Variants in KCNH1 observed in about 807,000 individuals in gnomAD.
KCNH1 encodes the protein voltage-gated delayed rectifier potassium channel KCNH1.
Under a neutral mutation model 69.2 loss-of-function variants are expected in KCNH1, and 27 were observed. The ratio of observed to expected loss-of-function variants is 0.39; its 90% CI spans 0.29 to 0.54. KCNH1 has a LOEUF of 0.54. Among genes scored for constraint, KCNH1 ranks in the 20% least tolerant of loss-of-function variants. The pLI, the probability that KCNH1 is intolerant of heterozygous loss-of-function variation, is 0.68. For missense variants in KCNH1, 798 were observed against 1,261.6 expected (o/e 0.63, Z 5.57); for synonymous variants, 456 against 487.7 (o/e 0.93, Z 0.86).
intron 7 of KCNH1, among the ~76,000 whole-genome samples, chr1:210,827,583 C>T (rs1685058965): frequency 6.6e-6 from 1 of 152,136 alleles, no homozygotes; most frequent in African/African-American, 2.4e-5. Flanking sequence ...ATTCAAACAA[C>T]ACAACTGCCT....
intron 5 of KCNH1, among the ~76,000 whole-genome samples, chr1:211,049,732 A>G (rs983229821): frequency 1.3e-5 from 2 of 152,212 alleles, no homozygotes; most frequent in Admixed American, 6.5e-5. Flanking sequence ...CCAGAAAGAA[A>G]AGACACAGGC....
At position 210,683,690 on chromosome 1, in the gene KCNH1, G is replaced by A; in HGVS notation, c.2561C>T (p.Ser854Phe). ...AAGTGTCTCCATCGACTCAGCCTTG[G>A]ACACCTTGTTCCAGTCCTCACTCTT... ...CGKSEDWNKVSKAESMETLPE... is the reference protein window; with the variant it reads ...CGKSEDWNKVFKAESMETLPE... Residue 854 changes from serine (S) to phenylalanine (F), a missense_variant, in exon 11 of 11, where the codon TCC (serine) becomes TTC (phenylalanine). By Grantham distance (155) the Ser-to-Phe change is radical (BLOSUM62 -2). This residue lies in a region of KCNH1 where 331 missense variants were observed against 363.2 expected (regional missense o/e 0.91). Transcript: ENST00000271751. The surrounding 1 kb of genome is among the most constrained non-coding windows in gnomAD (Gnocchi z 5.7). 1.2e-6 allele frequency: 2 copies of A among 1,614,204 alleles called. No individual in the cohort carries two copies.
intron 10 of KCNH1, among the ~76,000 whole-genome samples, chr1:210,707,072 C>T (rs941822332): frequency 9.9e-5 from 15 of 150,964 alleles, no homozygotes; most frequent in African/African-American, 2.0e-4. Flanking sequence ...TGTGTGCGCG[C>T]GCACGTGTAT....
At chr1:210,728,292 A>G (rs1682657852) in intron 10 of KCNH1, among the ~76,000 whole-genome samples, 1 of 152,192 alleles carries the variant, frequency 6.6e-6, no homozygotes, top group Non-Finnish European at 1.5e-5. Context: ...AGACCACATG[A>G]AAGAGACTGT....
intron 5 of KCNH1, among the ~76,000 whole-genome samples, chr1:211,034,573 A>T (rs924812211): frequency 5.9e-5 from 9 of 152,178 alleles, no homozygotes; most frequent in African/African-American, 2.2e-4. Flanking sequence ...CCATCAGGAG[A>T]AGCTGGGTAA....
intron 9 of KCNH1, among the ~76,000 whole-genome samples, chr1:210,776,478 T>C (rs1399079744): frequency 6.6e-6 from 1 of 152,134 alleles, no homozygotes; most frequent in African/African-American, 2.4e-5. Flanking sequence ...AAGTGAAGCC[T>C]TTGGGAGGTA....
At chr1:210,998,407 G>C (rs951491391) in intron 6 of KCNH1, among the ~76,000 whole-genome samples, 4 of 152,158 alleles carry the variant, frequency 2.6e-5, no homozygotes, top group African/African-American at 9.7e-5. Context: ...GATCAAAAGA[G>C]ACAAAGAAGG....
intron 4 of KCNH1, among the ~76,000 whole-genome samples, chr1:211,083,110 C>T (rs1296646948): frequency 6.6e-6 from 1 of 152,250 alleles, no homozygotes; most frequent in Admixed American, 6.5e-5. Context: ...TCACTTCATC[C>T]TAATCGTAGT....
intron 6 of KCNH1, among the ~76,000 whole-genome samples, chr1:210,994,077 T>A (rs966091218): frequency 6.6e-6 from 1 of 152,212 alleles, no homozygotes; most frequent in Non-Finnish European, 1.5e-5. Flanking sequence ...TAAAGCATAA[T>A]GTTAACTAAC....
intron 10 of KCNH1, among the ~76,000 whole-genome samples, chr1:210,727,993 G>A (rs1438712554): frequency 6.6e-6 from 1 of 152,186 alleles, no homozygotes; most frequent in Non-Finnish European, 1.5e-5. Flanking sequence ...CTAACCCTGT[G>A]TTCTCTATGG....
chr1:211,076,123 C>T (rs1018788233), intron 5 of KCNH1, among the ~76,000 whole-genome samples: 2 of 152,240 alleles, frequency 1.3e-5, no homozygotes, highest in African/African-American at 4.8e-5. Flanking sequence ...GCAAGGCCTA[C>T]TGCCTCTGTA....
intron 4 of KCNH1, among the ~76,000 whole-genome samples, chr1:211,086,422 T>C (rs1690953579): frequency 6.6e-6 from 1 of 152,042 alleles, no homozygotes; most frequent in East Asian, 1.9e-4. Context: ...TCCAGTTCTA[T>C]CACAAATGTC....
chr1:210,959,967 A>G (rs960030405), intron 6 of KCNH1, among the ~76,000 whole-genome samples: 1 of 152,208 alleles, frequency 6.6e-6, no homozygotes, highest in Non-Finnish European at 1.5e-5. Context: ...TTGGAAATGC[A>G]GAAATCACCC....
rs1027248704 is a variant in KCNH1 at position 210,800,808 on chromosome 1, C to T, written c.1663-3048G>A. 1.1e-4 allele frequency among the ~76,000 whole-genome samples: 17 copies of T among 152,112 alleles called. No homozygotes were observed. The South Asian group carries it at 2.3e-3, about 20-fold the overall frequency. On this transcript the variant is annotated intron_variant, in intron 8 of 10. Coordinates refer to ENST00000271751, the MANE Select transcript of KCNH1 (RefSeq NM_172362.3). ...CTCAAAGGCCAAAGGGAGATATCAACGTGGAATCTCCTCCAAGCTAGGCAG... is the reference window on the plus strand; with the variant it reads ...CTCAAAGGCCAAAGGGAGATATCAATGTGGAATCTCCTCCAAGCTAGGCAG...
chr1:211,113,967 C>A (rs942052184), intron 1 of KCNH1, among the ~76,000 whole-genome samples: 2 of 131,246 alleles, frequency 1.5e-5, no homozygotes, highest in African/African-American at 5.3e-5. Flanking sequence ...CTCTCTCTCT[C>A]TCTCTCTCAC....
intron 10 of KCNH1, among the ~76,000 whole-genome samples, chr1:210,733,982 C>A (rs1184521771): frequency 1.3e-5 from 2 of 150,784 alleles, no homozygotes; most frequent in Non-Finnish European, 2.9e-5. Flanking sequence ...CACACACACA[C>A]ACACACAGCC....
intron 6 of KCNH1, among the ~76,000 whole-genome samples, chr1:210,922,333 G>T (rs61848994): frequency 0.46 from 65,203 of 142,892 alleles, 14,775 homozygotes; most frequent in African/African-American, 0.54. Flanking sequence ...ATGGTGAGCT[G>T]AGATCGTGCC....
At chr1:210,990,859 A>G (rs1224902326) in intron 6 of KCNH1, among the ~76,000 whole-genome samples, 1 of 152,200 alleles carries the variant, frequency 6.6e-6, no homozygotes, top group Non-Finnish European at 1.5e-5. Flanking sequence ...GAAAAGAGCT[A>G]TGAAAAAATA....
intron 1 of KCNH1, among the ~76,000 whole-genome samples, chr1:211,126,364 G>C (rs897764602): frequency 1.3e-5 from 2 of 152,126 alleles, no homozygotes; most frequent in Non-Finnish European, 2.9e-5. Flanking sequence ...CAAAAAATTA[G>C]CCGGGCATGG....
Sources: gnomAD v4.1 joint callset for allele counts (sites outside exome capture counted in the v4.1 genomes callset) on GRCh38, gnomAD v4.1.1 for gene constraint, gnomAD v4.1.1 regional missense constraint, Gnocchi (gnomAD v3.1) non-coding constraint, MANE v1.5 for transcripts, NCBI Gene and HGNC (gene_info 2026-07-23, HGNC 2026-07-21) for gene names.